The following OPCML variants were observed in gnomAD, a reference collection of about 807,000 sequenced individuals.
OPCML encodes opioid binding protein/cell adhesion molecule like.
OPCML carries 13 observed loss-of-function variants against 37.8 expected under a neutral mutation model. The ratio of observed to expected loss-of-function variants is 0.34; its 90% CI spans 0.22 to 0.55. The LOEUF (loss-of-function observed/expected upper bound fraction) is 0.55. Among genes scored for constraint, OPCML ranks in the 20% least tolerant of loss-of-function variants. The pLI, the probability that OPCML is intolerant of heterozygous loss-of-function variation, is 0.91. For missense variants in OPCML, 341 were observed against 435.6 expected (o/e 0.78, Z 1.93); for synonymous variants, 176 against 168.8 (o/e 1.04, Z -0.33).
At chr11:133,054,101 A>G (rs1388767884) in intron 1 of OPCML, among the ~76,000 whole-genome samples, 1 of 152,082 alleles carries the variant, frequency 6.6e-6, no homozygotes, top group East Asian at 1.9e-4. Context: ...CTCTGGCTTC[A>G]GGTTTATTCC....
rs113317296 is a variant in OPCML at position 133,054,749 on chromosome 11, G to A, written c.62-111739C>T. Among the ~76,000 whole-genome samples the A allele has an allele frequency of 7.2e-3, 1,095 of 152,308 alleles. 25 individuals are homozygous for A. Among genetic ancestry groups the A allele is most frequent in the African/African-American group, 0.026 (1,063 of 41,562 alleles). ...GCCTAGTGTGGAGACCTGAAGTTGA[G>A]AAACATACTTCCAAGTGGCGAGATC... On this transcript the variant is annotated intron_variant, in intron 1 of 7. Transcript: ENST00000524381.
At chr11:132,958,269 G>A (rs935925111) in intron 1 of OPCML, among the ~76,000 whole-genome samples, 3 of 152,234 alleles carry the variant, frequency 2.0e-5, no homozygotes, top group African/African-American at 4.8e-5. Context: ...AATCCAGAGC[G>A]AGGTTGTAAC....
At chr11:133,163,177 A>C (rs538954680) in intron 1 of OPCML, among the ~76,000 whole-genome samples, 60 of 152,234 alleles carry the variant, frequency 3.9e-4, no homozygotes, top group African/African-American at 1.4e-3. Flanking sequence ...TGCCACTCTC[A>C]TTATTTCAGA....
chr11:133,439,266 C>T (rs923276601), intron 1 of OPCML: 86 of 979,418 alleles, frequency 8.8e-5, no homozygotes, highest in Non-Finnish European at 9.7e-5. Context: ...ACTGGACTCC[C>T]TGTTGGTGTC....
At position 132,441,165 on chromosome 11, in the gene OPCML, G is replaced by GTT. The variant is rs68143578; in HGVS notation, c.506-3808_506-3807dup. Among the ~76,000 whole-genome samples the GTT allele has an allele frequency of 1.6e-3, 116 of 72,384 alleles. 7 individuals carry two copies. The highest frequency in any genetic ancestry group is 2.1e-3 in the African/African-American group (19 of 9,184). 47.5% of individuals were successfully genotyped at this position (72,384 alleles called of 152,430 possible). A position where few individuals can be genotyped will look rare whatever the true frequency, so the allele number is the denominator to read the frequency against. ...AGATGTGTTCACCAAGGACTTTTTT[G>GTT]TTTTTTTTTTTTTTTTTTTTGAGAC... On this transcript the variant is annotated intron_variant, in intron 4 of 7. Transcript: ENST00000524381.
chr11:132,530,993 T>C (rs2096323533), intron 3 of OPCML, among the ~76,000 whole-genome samples: 1 of 152,280 alleles, frequency 6.6e-6, no homozygotes, highest in South Asian at 2.1e-4. Context: ...AGCAGCCATC[T>C]CTTCTGCTGC....
rs138410112 is a variant in OPCML at position 132,841,292 on chromosome 11, C to A, written c.146+101634G>T. ...AATTTCTTACCTAGCACTTACTGAC[C>A]CCCCGGCCCCCACTAATTATTCCTT... On this transcript the variant is annotated intron_variant, in intron 2 of 7. Coordinates refer to ENST00000524381, the MANE Select transcript of OPCML (RefSeq NM_001012393.5). Among the ~76,000 whole-genome samples the A allele has an allele frequency of 5.7e-3, 867 of 152,104 alleles. 3 individuals are homozygous for A. Among genetic ancestry groups the A allele is most frequent in the African/African-American group, 0.02 (832 of 41,488 alleles).
intron 2 of OPCML, among the ~76,000 whole-genome samples, chr11:132,761,442 C>T (rs1307176227): frequency 6.6e-6 from 1 of 152,086 alleles, no homozygotes; most frequent in Non-Finnish European, 1.5e-5. Context: ...TTCATATACA[C>T]CTATCAAACG....
chr11:132,448,040 A>C (rs2096059877), intron 4 of OPCML, among the ~76,000 whole-genome samples: 1 of 152,252 alleles, frequency 6.6e-6, no homozygotes, highest in Admixed American at 6.5e-5. Flanking sequence ...AAGTCCTGGC[A>C]GACCAAGTAC....
chr11:133,261,627 C>T (rs1220407175), intron 1 of OPCML, among the ~76,000 whole-genome samples: 3 of 152,192 alleles, frequency 2.0e-5, no homozygotes, highest in Non-Finnish European at 4.4e-5. Flanking sequence ...GGTGGGCTCT[C>T]ACCATTTTTG....
At chr11:132,497,141 C>T (rs1053409746) in intron 4 of OPCML, among the ~76,000 whole-genome samples, 2 of 152,056 alleles carry the variant, frequency 1.3e-5, no homozygotes, top group Admixed American at 1.3e-4. Flanking sequence ...AACTCAGAAA[C>T]AGAAAACCAA....
At chr11:133,023,717 TTA>T (rs1947496232) in intron 1 of OPCML, among the ~76,000 whole-genome samples, 1 of 152,200 alleles carries the variant, frequency 6.6e-6, no homozygotes, top group African/African-American at 2.4e-5. Context: ...TACCAAGTGA[TTA>T]TTAAATGTAT....
At chr11:132,655,564 G>A (rs949354827) in intron 3 of OPCML, among the ~76,000 whole-genome samples, 4 of 152,346 alleles carry the variant, frequency 2.6e-5, no homozygotes, top group African/African-American at 4.8e-5. Context: ...GATGTCTGTC[G>A]GATGGCGTGT....
At chr11:133,071,096 A>T (rs1185885982) in intron 1 of OPCML, among the ~76,000 whole-genome samples, 1 of 152,180 alleles carries the variant, frequency 6.6e-6, no homozygotes, top group Non-Finnish European at 1.5e-5. Flanking sequence ...ATATAACCAG[A>T]TATGTCTCAT....
intron 3 of OPCML, among the ~76,000 whole-genome samples, chr11:132,566,075 C>T (rs1026207048): frequency 6.6e-6 from 1 of 152,190 alleles, no homozygotes; most frequent in Non-Finnish European, 1.5e-5. Context: ...TTGGCTCTGT[C>T]TGATTAACAT....
chr11:132,643,256 G>A (rs1267462791), intron 3 of OPCML, among the ~76,000 whole-genome samples: 1 of 152,170 alleles, frequency 6.6e-6, no homozygotes, highest in East Asian at 1.9e-4. Context: ...CAGCCTGGGT[G>A]ACAGCGTGAG....
At chr11:133,135,157 G>T (rs1025638816) in intron 1 of OPCML, among the ~76,000 whole-genome samples, 1 of 152,098 alleles carries the variant, frequency 6.6e-6, no homozygotes, top group Non-Finnish European at 1.5e-5. Context: ...AATTAACAAC[G>T]CATGGGCCTC....
intron 4 of OPCML, among the ~76,000 whole-genome samples, chr11:132,493,356 C>CAGACAAGG (rs2096221996): frequency 6.6e-6 from 1 of 152,188 alleles, no homozygotes; most frequent in Non-Finnish European, 1.5e-5. Flanking sequence ...CCTTTATATC[C>CAGACAAGG]AGACAAGGAG....
chr11:132,795,588 AG>A (rs1938258306), intron 2 of OPCML, among the ~76,000 whole-genome samples: 1 of 152,196 alleles, frequency 6.6e-6, no homozygotes, highest in Non-Finnish European at 1.5e-5. Flanking sequence ...TGCCTGCCCT[AG>A]GAAGCCATGT....
Sources: allele counts gnomAD v4.1 joint callset (sites outside exome capture counted in the v4.1 genomes callset), GRCh38; gene constraint gnomAD v4.1.1; transcripts MANE v1.5; gene names NCBI Gene and HGNC (gene_info 2026-07-23, HGNC 2026-07-21).